STAB1: variants seen among roughly 807,000 people sequenced by gnomAD.
The protein encoded by STAB1 is stabilin-1.
In STAB1, 250 loss-of-function variants were observed where a neutral mutation model predicts 332.4. That is an observed-to-expected ratio of 0.75 (90% CI 0.68 to 0.84). STAB1 has a LOEUF of 0.84. STAB1 is among the 40% of genes least tolerant of loss of function. The pLI, the probability that STAB1 is intolerant of heterozygous loss-of-function variation, is 0.00. For missense variants in STAB1, 3,249 were observed against 3,489.7 expected (o/e 0.93, Z 1.74); for synonymous variants, 1,475 against 1,390.4 (o/e 1.06, Z -1.35).
At position 52,519,964 on chromosome 3, in the gene STAB1, G is replaced by C; in HGVS notation, c.5256G>C (p.Leu1752=). The C allele has an allele frequency of 6.3e-7, 1 of 1,589,318 alleles. No individual in the cohort carries two copies. Among genetic ancestry groups the C allele is most frequent in the Non-Finnish European group, 8.6e-7 (1 of 1,167,282 alleles). Residue 1752 remains leucine (L), a synonymous_variant, in exon 51 of 69, where the codon CTG becomes CTC. Coordinates refer to ENST00000321725, the MANE Select transcript of STAB1 (RefSeq NM_015136.3). ...ACCAGGTGGCCGGCCTCCTGCCCCT[G>C]CTTCGAGAGGCATCCCATAGGCCCT... ...GLLKVAGLLP[L]LREASHRPFT... is the part of the protein sequence containing the mutation.
At position 52,501,730 on chromosome 3, in the gene STAB1, G is replaced by A. The variant is rs1357195791; in HGVS notation, c.308G>A (p.Gly103Asp). ...GTGGTGCAGAAGGCCTGCTGCCCTGGCTACTGGGGTTCCCGGTGCCATGGT... is the reference window on the plus strand; with the variant it reads ...GTGGTGCAGAAGGCCTGCTGCCCTGACTACTGGGGTTCCCGGTGCCATGGT... ...KQVVQKACCP[G>D]YWGSRCHECP... Residue 103 changes from glycine to aspartate, a missense_variant, in exon 3 of 69, where the codon GGC becomes GAC. Coordinates refer to ENST00000321725, the MANE Select transcript of STAB1 (RefSeq NM_015136.3). The A allele has an allele frequency of 1.3e-6, 2 of 1,569,002 alleles. No individual in the cohort carries two copies. The highest frequency in any genetic ancestry group is 2.4e-5 in the East Asian group (1 of 42,024).
intron 21 of STAB1, 90 bp downstream of exon 21, chr3:52,508,449 G>C (rs753192863): frequency 1.4e-4 from 178 of 1,232,014 alleles, no homozygotes; most frequent in East Asian, 8.3e-4. Context: ...TCTGGGCCAA[G>C]CCTGCCACTC....
At chr3:52,515,288 C>A in intron 36 of STAB1, 135 bp from the exon 37 acceptor site, 1 of 937,888 alleles carries the variant, frequency 1.1e-6, no homozygotes. Flanking sequence ...GTCTGCCTGT[C>A]TTGGTCCCTC....
rs761078312 is a variant in STAB1, at chr3:52,510,474, C to A, written c.2754C>A (p.Thr918=). The A allele has an allele frequency of 6.2e-7, 1 of 1,613,656 alleles. No homozygotes were observed. The highest frequency in any genetic ancestry group is 8.5e-7 in the Non-Finnish European group (1 of 1,179,972). ...TGGACATGAGAGGTGGCTGCCACAC[C>A]GATGCCCTCTGCAGCTATGTGGGCC... ...CELDMRGGCH[T]DALCSYVGPG... Residue 918 remains threonine (T), a synonymous_variant, in exon 25 of 69, where the codon ACC becomes ACA. Coordinates refer to ENST00000321725, the MANE Select transcript of STAB1 (RefSeq NM_015136.3).
chr3:52,522,336 C>G lies in STAB1; in HGVS notation c.6472C>G (p.Arg2158Gly). ...CTGCTCTCTCCAACCCCAGAACACA[C>G]GGCGCTGTGAGTGCCACGCAGGCTA... ...ANCLSTGLNTRRCECHAGYVG... is the reference protein window; with the variant it reads ...ANCLSTGLNTGRCECHAGYVG... Residue 2158 changes from arginine (R) to glycine (G), a missense_variant, in exon 60 of 69, where the codon CGG becomes GGG. Transcript: ENST00000321725. 1 of 1,612,916 alleles carries G rather than the reference C, an allele frequency of 6.2e-7. No homozygotes were observed. The highest frequency in any genetic ancestry group is 8.5e-7 in the Non-Finnish European group (1 of 1,180,012).
chr3:52,521,513 G>T lies in STAB1; in HGVS notation c.6058+3G>T. 1 of 1,613,976 alleles carries T rather than the reference G, an allele frequency of 6.2e-7. No individual in the cohort carries two copies. Among genetic ancestry groups the T allele is most frequent in the Non-Finnish European group, 8.5e-7 (1 of 1,180,018 alleles). ...TGCCTTTGGGCCCCATTGTCAAGGT[G>T]GGCCATCCCTGCCTGCCCCACGGCC... On this transcript the variant is annotated splice_donor_region_variant and intron_variant, in intron 56 of 68. Transcript: ENST00000321725.
In STAB1 at chr3:52,509,279, A is replaced by G. The variant is rs539945558; in HGVS notation, c.2305A>G (p.Ile769Val). The change falls in exon 22 of 69, where the codon ATC (isoleucine) becomes GTC (valine). Residue 769 changes from isoleucine to valine, a missense_variant. Physicochemically the swap from Ile to Val is conservative, Grantham distance 29. Transcript: ENST00000321725. ...FPDYKGIACH[I>V]CSNPNKHGEQ... is the part of the protein sequence containing the mutation. ...AGACTACAAGGGCATCGCCTGCCAC[A>G]TCTGCTCGAACCCAAACAAGCATGG... 8 of 1,613,702 alleles carry G rather than the reference A, an allele frequency of 5.0e-6. No homozygotes were observed. In the East Asian group the frequency reaches 1.6e-4, roughly 31 times the overall value.
chr3:52,520,912 C>T lies in STAB1; in HGVS notation c.5815C>T (p.Pro1939Ser), dbSNP rs748514767. ...VWVHPSLWGRPQGLGRGCHRN... is the reference protein window; with the variant it reads ...VWVHPSLWGRSQGLGRGCHRN... ...GGTCCACCCCAGCCTTTGGGGTAGG[C>T]CCCAAGGCCTGGGCAGGGGCTGCCA... Residue 1939 changes from proline to serine, a missense_variant, in exon 55 of 69, where the codon CCC (proline) becomes TCC (serine). Pro to Ser is a moderately conservative substitution (Grantham distance 74, BLOSUM62 -1). Transcript: ENST00000321725. The T allele has an allele frequency of 6.2e-7, 1 of 1,604,958 alleles. No homozygotes were observed. The highest frequency in any genetic ancestry group is 8.5e-7 in the Non-Finnish European group (1 of 1,175,760).
rs753656767 is a variant in STAB1, at chr3:52,506,263, G to GAC, written c.1830+16_1830+17dup. The GAC allele has an allele frequency of 2.5e-6, 4 of 1,607,350 alleles. No individual in the cohort carries two copies. Among genetic ancestry groups the GAC allele is most frequent in the Non-Finnish European group, 3.4e-6 (4 of 1,176,748 alleles). ...CATTTCTGAGGAGGTGAGGTGCACGGACACCTGGGCGGATGGTGGGGCTGG... is the reference window on the plus strand; with the variant it reads ...CATTTCTGAGGAGGTGAGGTGCACGGACACACCTGGGCGGATGGTGGGGCTGG... On this transcript the variant is annotated intron_variant, in intron 17 of 68. Coordinates refer to ENST00000321725, the MANE Select transcript of STAB1 (RefSeq NM_015136.3).
Position 52,514,814 on chromosome 3 carries a change from C to A in STAB1, c.3792C>A (p.His1264Gln). The A allele has an allele frequency of 6.2e-7, 1 of 1,612,916 alleles. No individual in the cohort carries two copies. Among genetic ancestry groups the A allele is most frequent in the African/African-American group, 1.3e-5 (1 of 75,060 alleles). The change falls in exon 35 of 69, where the codon CAC (histidine) becomes CAA (glutamine). Residue 1264 changes from histidine (H) to glutamine (Q), a missense_variant. By Grantham distance (24) the His-to-Gln change is conservative. Coordinates refer to ENST00000321725, the MANE Select transcript of STAB1 (RefSeq NM_015136.3). Reference sequence around the variant, plus strand: ...GCTCAAGTCGCTGCCTGCATAGCCACGCTGAGGCCCTGCGGGTGAGAGGCT... The same window carrying A: ...GCTCAAGTCGCTGCCTGCATAGCCAAGCTGAGGCCCTGCGGGTGAGAGGCT... ...TVGSSRCLHS[H>Q]AEALREKCVN... is the part of the protein sequence containing the mutation.
chr3:52,522,134 C>T lies in STAB1; in HGVS notation c.6369C>T (p.Tyr2123=), dbSNP rs769321718. 1.1e-5 allele frequency: 17 copies of T among 1,612,814 alleles called. No individual in the cohort carries two copies. The East Asian group carries it at 1.3e-4, about 13-fold the overall frequency. ...TCACTTGTACCTGCCTGCCCGACTA[C>T]GAGGGTGATGGCTGGAGCTGCCGGG... ...TMVTCTCLPD[Y]EGDGWSCRAR... Residue 2123 remains tyrosine (Y), a synonymous_variant, in exon 59 of 69, where the codon TAC becomes TAT. Transcript: ENST00000321725.
intron 5 of STAB1, 97 bp from the exon 6 acceptor site, chr3:52,502,535 G>A (rs911415100): frequency 7.1e-6 from 8 of 1,128,404 alleles, no homozygotes; most frequent in South Asian, 2.7e-5. Flanking sequence ...GTACCTGCCC[G>A]AGCTGAGTTC....
At chr3:52,519,071 T>C (rs915741715) in intron 48 of STAB1, among the ~76,000 whole-genome samples, 193 bp from the exon 49 acceptor site, 1 of 151,828 alleles carries the variant, frequency 6.6e-6, no homozygotes, top group Admixed American at 6.6e-5. Context: ...AGCGCCCTTG[T>C]GTCCTTCCGA....
In STAB1 at chr3:52,515,982, C is replaced by T; in HGVS notation, c.3949-61C>T. 3 of 1,497,036 alleles carry T rather than the reference C, an allele frequency of 2.0e-6. No individual in the cohort carries two copies. In the South Asian group the frequency reaches 4.0e-5, roughly 20 times the overall value. The allele number at this position is 1,497,036 out of a possible 1,614,324, so 92.7% of individuals were successfully genotyped here. A position where few individuals can be genotyped will look rare whatever the true frequency, so the allele number is the denominator to read the frequency against. ...CTGTGGCCCCGAGATGCCCCCGTTC[C>T]CCTTCCCCCTGACACCTTGCTGGGC... On this transcript the variant is annotated intron_variant, in intron 37 of 68. Coordinates refer to ENST00000321725, the MANE Select transcript of STAB1 (RefSeq NM_015136.3).
intron 43 of STAB1, 46 bp downstream of exon 43, chr3:52,517,439 C>T (rs199577460): frequency 3.2e-6 from 5 of 1,573,536 alleles, no homozygotes; most frequent in African/African-American, 2.7e-5. Context: ...CATGCCCTCA[C>T]AGGATGGGGC....
Position 52,523,475 on chromosome 3 carries a change from C to CTAAG in STAB1, c.7191_7194dup (p.Ala2399LysfsTer22). The CTAAG allele has an allele frequency of 6.2e-7, 1 of 1,611,954 alleles. No homozygotes were observed. Among genetic ancestry groups the CTAAG allele is most frequent in the East Asian group, 2.2e-5 (1 of 44,840 alleles). On this transcript the variant is annotated frameshift_variant, in exon 65 of 69. Coordinates refer to ENST00000321725, the MANE Select transcript of STAB1 (RefSeq NM_015136.3). LOFTEE classifies it high-confidence loss of function. ...GCTGCATGCCTCCAACGCCACCCTC[C>CTAAG]TAAGTGCCAACGCCAGCCAGGGGAA...
intron 1 of STAB1, 25 bp downstream of exon 1, chr3:52,495,516 C>G: frequency 7.6e-7 from 1 of 1,310,830 alleles, no homozygotes. Flanking sequence ...GTCGCAGGGG[C>G]ACACGGCGTC....
Position 52,510,345 on chromosome 3 carries a change from A to G in STAB1, c.2629-4A>G, listed in dbSNP as rs775516748. On this transcript the variant is annotated splice_region_variant and splice_polypyrimidine_tract_variant and intron_variant, in intron 24 of 68. Transcript: ENST00000321725. ...CCTCAGTTATTTATCCATGGCTCTC[A>G]CAGGCTGAGTGTGTCCCTGGGTCCC... 6.2e-7 allele frequency: 1 copy of G among 1,613,890 alleles called. No homozygotes were observed. Among genetic ancestry groups the G allele is most frequent in the Non-Finnish European group, 8.5e-7 (1 of 1,179,930 alleles).
chr3:52,519,403 G>A lies in STAB1; in HGVS notation c.5174G>A (p.Arg1725Lys), dbSNP rs748974188. ...GAGCCTGATGATGCTCCCATCCCGA[G>A]GGTATGACAAGCACGGGCCTGGGAG... ...HWEPDDAPIP[R>K]RNVTAAAQGF... Residue 1725 changes from arginine to lysine, a missense_variant and splice_region_variant, in exon 49 of 69, where the codon AGG becomes AAG. By Grantham distance (26) the Arg-to-Lys change is conservative (BLOSUM62 2). Coordinates refer to ENST00000321725, the MANE Select transcript of STAB1 (RefSeq NM_015136.3). 60 of 1,612,920 alleles carry A rather than the reference G, an allele frequency of 3.7e-5. No homozygotes were observed. Among genetic ancestry groups the A allele is most frequent in the Admixed American group, 6.7e-5 (4 of 60,006 alleles).
Sources: gnomAD v4.1 joint callset for allele counts (sites outside exome capture counted in the v4.1 genomes callset) on GRCh38, gnomAD v4.1.1 for gene constraint, MANE v1.5 for transcripts, NCBI Gene and HGNC (gene_info 2026-07-23, HGNC 2026-07-21) for gene names.